DLC1: variants seen among roughly 807,000 people sequenced by gnomAD.
DLC1 encodes DLC1 Rho GTPase activating protein.
DLC1 carries 54 observed loss-of-function variants against 140.3 expected under a neutral mutation model. The observed-to-expected ratio is 0.38, with a 90% confidence interval of 0.31 to 0.48. DLC1 has a LOEUF of 0.48. Ranked by LOEUF, DLC1 falls within the 20% of genes least tolerant of loss-of-function variation. The pLI is 0.96. For missense variants in DLC1, 2,536 were observed against 1,907.0 expected (o/e 1.33, Z -6.14); for synonymous variants, 986 against 728.1 (o/e 1.35, Z -5.70).
intron 10 of DLC1, among the ~76,000 whole-genome samples, chr8:13,097,287 A>G (rs566097522): frequency 7.8e-6 from 1 of 127,730 alleles, no homozygotes; most frequent in South Asian, 2.4e-4. Flanking sequence ...TTTGAGATAG[A>G]GTCTTACTCT....
intron 4 of DLC1, among the ~76,000 whole-genome samples, chr8:13,313,136 C>G (rs1392267679): frequency 2.0e-5 from 3 of 152,190 alleles, no homozygotes; most frequent in South Asian, 4.1e-4. Flanking sequence ...ACTTACAGCA[C>G]TGTTTTCCTT....
chr8:13,453,392 A>ATATATATATATATATATATATATGTATG (rs1799163961), intron 2 of DLC1, among the ~76,000 whole-genome samples: 1 of 59,236 alleles, frequency 1.7e-5, no homozygotes, highest in East Asian at 6.1e-4. Context: ...CCCAGGATAT[A>ATATATATATATATATATATATATGTATG]TATATATATG....
At chr8:13,439,391 C>A (rs1174803511) in intron 2 of DLC1, among the ~76,000 whole-genome samples, 1 of 152,098 alleles carries the variant, frequency 6.6e-6, no homozygotes, top group Non-Finnish European at 1.5e-5. Context: ...AGTTTACTGA[C>A]CTCTGCCATG....
chr8:13,400,206 G>A (rs1019422230), intron 3 of DLC1, among the ~76,000 whole-genome samples: 2 of 152,100 alleles, frequency 1.3e-5, no homozygotes, highest in African/African-American at 2.4e-5. Flanking sequence ...CTAGCTCAAG[G>A]CCTGGTGTGA....
At chr8:13,446,698 T>G (rs1351666503) in intron 2 of DLC1, among the ~76,000 whole-genome samples, 1 of 152,026 alleles carries the variant, frequency 6.6e-6, no homozygotes, top group South Asian at 2.1e-4. Context: ...CTCAGCACTT[T>G]CGGAGGCCAA....
At chr8:13,386,646 T>C (rs289525) in intron 4 of DLC1, among the ~76,000 whole-genome samples, 100,125 of 151,896 alleles carry the variant, frequency 0.66, 33,419 homozygotes, top group East Asian at 0.91. Flanking sequence ...GTGGAAATAT[T>C]TCTGTTTTTC....
At position 13,579,355 on chromosome 8, in the gene DLC1, ATATATATTTTTATAT is replaced by A. The variant is rs1804978332; in HGVS notation, c.-126+25167_-126+25181del. ...TATATATATATATATATATATATAT[ATATATATTTTTATAT>A]AATACATATTTATATATTATATATT... On this transcript the variant is annotated intron_variant, in intron 1 of 1. Transcript: ENST00000631382. Among the ~76,000 whole-genome samples, 9 of 25,306 alleles carry A rather than the reference ATATATATTTTTATAT, an allele frequency of 3.6e-4. 2 individuals are homozygous for A. The highest frequency in any genetic ancestry group is 6.3e-4 in the Admixed American group (1 of 1,594). The allele number at this position is 25,306 out of a possible 152,430, so 16.6% of individuals were successfully genotyped here. A position where few individuals can be genotyped will look rare whatever the true frequency, so the allele number is the denominator to read the frequency against.
At chr8:13,233,836 C>T (rs1290741773) in intron 5 of DLC1, among the ~76,000 whole-genome samples, 1 of 152,126 alleles carries the variant, frequency 6.6e-6, no homozygotes, top group East Asian at 1.9e-4. Flanking sequence ...ATCACAAATC[C>T]ATAGGGCTAG....
chr8:13,186,790 A>G (rs1374577787), intron 5 of DLC1, among the ~76,000 whole-genome samples: 1 of 152,176 alleles, frequency 6.6e-6, no homozygotes, highest in African/African-American at 2.4e-5. Flanking sequence ...TTGTGGTTTT[A>G]TCTACCTTTG....
At chr8:13,147,175 C>T (rs907519406) in intron 5 of DLC1, among the ~76,000 whole-genome samples, 1 of 152,190 alleles carries the variant, frequency 6.6e-6, no homozygotes, top group African/African-American at 2.4e-5. Flanking sequence ...CATTTAGATT[C>T]TTCCTTAGAA....
chr8:13,404,239 C>G (rs191741060), intron 2 of DLC1, among the ~76,000 whole-genome samples: 13 of 152,228 alleles, frequency 8.5e-5, no homozygotes, highest in Admixed American at 7.9e-4. Flanking sequence ...TGTTTAGCAA[C>G]TGAATCTCCA....
intron 1 of DLC1, among the ~76,000 whole-genome samples, chr8:13,521,851 C>G (rs1045465531): frequency 5.9e-5 from 9 of 152,180 alleles, no homozygotes; most frequent in African/African-American, 2.2e-4. Context: ...GAAAATGCTT[C>G]ATATCCATCC....
intron 5 of DLC1, among the ~76,000 whole-genome samples, chr8:13,267,418 G>T (rs769691028): frequency 6.6e-6 from 1 of 151,658 alleles, no homozygotes; most frequent in African/African-American, 2.4e-5. Flanking sequence ...AAAACATTCA[G>T]AGGTCACACT....
Position 13,117,453 on chromosome 8 carries a change from G to T in DLC1, c.1349-1796C>A, listed in dbSNP as rs115215319. Among the ~76,000 whole-genome samples, 1,508 of 152,150 alleles carry T rather than the reference G, an allele frequency of 9.9e-3. 17 individuals carry two copies. The highest frequency in any genetic ancestry group is 0.035 in the African/African-American group (1,445 of 41,484). The stretch of plus-strand genomic sequence containing the variant: ...CAATGGTACTACCACACACCAGCCT[G>T]GGCAACAGAGTAAGACTCTGTAACC... On this transcript the variant is annotated intron_variant, in intron 5 of 17. Transcript: ENST00000276297.
chr8:13,269,290 G>T (rs1830821717), intron 5 of DLC1, among the ~76,000 whole-genome samples: 1 of 152,156 alleles, frequency 6.6e-6, no homozygotes, highest in Non-Finnish European at 1.5e-5. Flanking sequence ...GTTTTCCATG[G>T]CTAGGTCTTC....
chr8:13,154,538 A>G (rs554939567), intron 5 of DLC1, among the ~76,000 whole-genome samples: 2 of 152,188 alleles, frequency 1.3e-5, no homozygotes, highest in South Asian at 4.1e-4. Flanking sequence ...GTGCTGGCCC[A>G]CGAGTGCCAG....
chr8:13,489,896 G>T (rs1029096136), intron 2 of DLC1, among the ~76,000 whole-genome samples: 1 of 152,082 alleles, frequency 6.6e-6, no homozygotes, highest in African/African-American at 2.4e-5. Flanking sequence ...TCCTCATCTC[G>T]AATTCTGGTT....
chr8:13,374,747 A>C (rs920946202), intron 4 of DLC1, among the ~76,000 whole-genome samples: 11 of 152,044 alleles, frequency 7.2e-5, no homozygotes, highest in Non-Finnish European at 1.6e-4. Flanking sequence ...GTGCCATTGC[A>C]CTCCAGTCTG....
At chr8:13,380,775 T>C (rs781642369) in intron 4 of DLC1, among the ~76,000 whole-genome samples, 8 of 152,116 alleles carry the variant, frequency 5.3e-5, no homozygotes, top group Non-Finnish European at 8.8e-5. Flanking sequence ...TCAAAGTAAG[T>C]AGTGAGATAG....
Sources: gnomAD v4.1 joint callset for allele counts (sites outside exome capture counted in the v4.1 genomes callset) on GRCh38, gnomAD v4.1.1 for gene constraint, MANE v1.5 for transcripts, NCBI Gene and HGNC (gene_info 2026-07-23, HGNC 2026-07-21) for gene names.